Variants in CHRM3 observed in about 807,000 individuals in gnomAD.
CHRM3 encodes the protein cholinergic receptor muscarinic 3.
Under a neutral mutation model 41.8 loss-of-function variants are expected in CHRM3, and 11 were observed. The ratio of observed to expected loss-of-function variants is 0.26; its 90% CI spans 0.17 to 0.44. The LOEUF is 0.44. CHRM3 is among the 20% of genes least tolerant of loss of function. The pLI is 1.00. For missense variants in CHRM3, 571 were observed against 745.4 expected, an observed-to-expected ratio of 0.77 and a Z score of 2.72; for synonymous variants, 297 against 301.4, an observed-to-expected ratio of 0.99 and a Z score of 0.15.
intron 1 of CHRM3, among the ~76,000 whole-genome samples, chr1:239,410,250 A>C (rs1660961043): frequency 6.6e-6 from 1 of 152,122 alleles, no homozygotes; most frequent in African/African-American, 2.4e-5. Context: ...TTTCCTCTTA[A>C]GTTTTCCTTC....
intron 1 of CHRM3, among the ~76,000 whole-genome samples, chr1:239,435,180 G>A (rs1379956025): frequency 4.7e-5 from 7 of 149,458 alleles, no homozygotes; most frequent in South Asian, 2.1e-4. Flanking sequence ...AGCTGGGAGC[G>A]ATGGCTCACG....
chr1:239,758,496 G>T (rs73122572), intron 5 of CHRM3, among the ~76,000 whole-genome samples: 4,081 of 152,214 alleles, frequency 0.027, 146 homozygotes, highest in East Asian at 0.14. Flanking sequence ...GTTGGCAATT[G>T]CTTATTGGAA....
intron 1 of CHRM3, among the ~76,000 whole-genome samples, chr1:239,485,776 T>C (rs912360220): frequency 6.6e-6 from 1 of 152,186 alleles, no homozygotes. Flanking sequence ...TCCTAGAACT[T>C]GACCTCCACA....
chr1:239,779,614 C>T (rs764023669), intron 5 of CHRM3, among the ~76,000 whole-genome samples: 3 of 152,178 alleles, frequency 2.0e-5, no homozygotes, highest in Non-Finnish European at 2.9e-5. Context: ...ACAAGCCTGT[C>T]ATCCCAGCTA....
At position 239,718,397 on chromosome 1, in the gene CHRM3, T is replaced by G. The variant is rs1474809441; in HGVS notation, c.-147+40109T>G. ...CACAAGGTGAAATTTTCCTGGCATCTTAGAGTCAGATACTGACTTCTGAAG... is the reference window on the plus strand; with the variant it reads ...CACAAGGTGAAATTTTCCTGGCATCGTAGAGTCAGATACTGACTTCTGAAG... On this transcript the variant is annotated intron_variant, in intron 5 of 6. Coordinates refer to ENST00000676153, the MANE Select transcript of CHRM3 (RefSeq NM_001375978.1). Among the ~76,000 whole-genome samples the G allele has an allele frequency of 2.0e-5, 3 of 152,142 alleles. No individual in the cohort carries two copies. In the South Asian group the frequency reaches 6.2e-4, roughly 32 times the overall value.
intron 1 of CHRM3, among the ~76,000 whole-genome samples, chr1:239,425,945 G>A (rs557347037): frequency 6.6e-6 from 1 of 152,204 alleles, no homozygotes; most frequent in Non-Finnish European, 1.5e-5. Context: ...CAGCTCAGGA[G>A]AGCCAGTTGT....
intron 5 of CHRM3, among the ~76,000 whole-genome samples, chr1:239,736,388 A>AAAT (rs77665012): frequency 3.3e-5 from 5 of 151,582 alleles, no homozygotes; most frequent in South Asian, 4.2e-4. Context: ...ATCAATAACC[A>AAAT]AATAATAATA....
chr1:239,502,008 T>C (rs114772896), intron 2 of CHRM3, among the ~76,000 whole-genome samples: 1,964 of 152,064 alleles, frequency 0.013, 35 homozygotes, highest in South Asian at 0.038. Context: ...TAAGGACACA[T>C]CTCAGGTAAC....
At chr1:239,458,588 A>G (rs1665131756) in intron 1 of CHRM3, among the ~76,000 whole-genome samples, 1 of 152,256 alleles carries the variant, frequency 6.6e-6, no homozygotes, top group South Asian at 2.1e-4. Context: ...AAGCATAATA[A>G]TTATAATAAT....
rs150805895 is a variant in CHRM3 at position 239,717,553 on chromosome 1, C to T, written c.-147+39265C>T. 4.6e-5 allele frequency among the ~76,000 whole-genome samples: 7 copies of T among 151,946 alleles called. No individual in the cohort carries two copies. In the East Asian group the frequency reaches 7.8e-4, roughly 17 times the overall value. ...GTTTTTGGTTGTTATCAGTTGGTTA[C>T]GGATTGGAGTTAACATTTCATCAGA... is the stretch of plus-strand genomic sequence containing the variant. On this transcript the variant is annotated intron_variant, in intron 5 of 6. Transcript: ENST00000676153.
intron 2 of CHRM3, among the ~76,000 whole-genome samples, chr1:239,542,962 A>G (rs1248773141): frequency 6.6e-6 from 1 of 152,126 alleles, no homozygotes; most frequent in African/African-American, 2.4e-5. Flanking sequence ...TTACATTTTT[A>G]CCATTTATGC....
At chr1:239,541,752 A>G (rs528997548) in intron 2 of CHRM3, among the ~76,000 whole-genome samples, 1 of 152,176 alleles carries the variant, frequency 6.6e-6, no homozygotes, top group South Asian at 2.1e-4. Flanking sequence ...GACTCAAGCA[A>G]TCCACCTGCC....
At chr1:239,706,067 A>C (rs1166146676) in intron 5 of CHRM3, among the ~76,000 whole-genome samples, 1 of 149,400 alleles carries the variant, frequency 6.7e-6, no homozygotes, top group Non-Finnish European at 1.5e-5. Flanking sequence ...TAAATTATTA[A>C]ATTTATTTTA....
At chr1:239,832,246 G>T (rs1294458242) in intron 6 of CHRM3, among the ~76,000 whole-genome samples, 2 of 151,646 alleles carry the variant, frequency 1.3e-5, no homozygotes, top group Non-Finnish European at 2.9e-5. Flanking sequence ...TCACATTTTT[G>T]TTCTTCCTTT....
chr1:239,456,686 C>G (rs1382551281), intron 1 of CHRM3, among the ~76,000 whole-genome samples: 1 of 152,168 alleles, frequency 6.6e-6, no homozygotes, highest in Non-Finnish European at 1.5e-5. Flanking sequence ...CCCTGCCATC[C>G]TTGATCCCTG....
chr1:239,674,108 T>C (rs1348923224), intron 4 of CHRM3, among the ~76,000 whole-genome samples: 1 of 152,146 alleles, frequency 6.6e-6, no homozygotes, highest in Non-Finnish European at 1.5e-5. Context: ...GCATTTCAGA[T>C]AAAGAACACT....
At chr1:239,721,713 G>T (rs181966304) in intron 5 of CHRM3, among the ~76,000 whole-genome samples, 1 of 151,780 alleles carries the variant, frequency 6.6e-6, no homozygotes, top group Non-Finnish European at 1.5e-5. Context: ...TAGCCAATAG[G>T]TATTATCTTT....
At chr1:239,794,897 T>C (rs1220790645) in intron 5 of CHRM3, among the ~76,000 whole-genome samples, 1 of 152,216 alleles carries the variant, frequency 6.6e-6, no homozygotes, top group Non-Finnish European at 1.5e-5. Context: ...ATTATGTTGG[T>C]CACTTAACAG....
rs554105073 is a variant in CHRM3, at chr1:239,631,993, G to C, written c.-312-231G>C. ...GAGCTGTAGAATGAGGAAGTCAATA[G>C]ATACATTTCTTTTCCAGTGACGGGT... is the stretch of plus-strand genomic sequence containing the variant. On this transcript the variant is annotated intron_variant, in intron 3 of 6. Coordinates refer to ENST00000676153, the MANE Select transcript of CHRM3 (RefSeq NM_001375978.1). Among the ~76,000 whole-genome samples, 6 of 152,278 alleles carry C rather than the reference G, an allele frequency of 3.9e-5. No homozygotes were observed. The South Asian group carries it at 1.2e-3, about 32-fold the overall frequency.
Sources: allele counts gnomAD v4.1 joint callset (sites outside exome capture counted in the v4.1 genomes callset), GRCh38; gene constraint gnomAD v4.1.1; transcripts MANE v1.5; gene names NCBI Gene and HGNC (gene_info 2026-07-23, HGNC 2026-07-21).